SLC23A2: variants seen among roughly 807,000 people sequenced by gnomAD.
The protein encoded by SLC23A2 is Na(+)/L-ascorbic acid transporter 2.
A neutral mutation model predicts 73.3 loss-of-function variants in SLC23A2; 36 were observed. The observed-to-expected ratio is 0.49, with a 90% CI of 0.38 to 0.65. The LOEUF is 0.65. SLC23A2 is among the 30% of genes least tolerant of loss of function. The probability of loss-of-function intolerance (pLI) is 0.00; values close to 1 mark genes in which losing one functional copy is unlikely to be tolerated. For missense variants in SLC23A2, 507 were observed against 841.6 expected, an observed-to-expected ratio of 0.60 and a Z score of 4.92; for synonymous variants, 343 against 327.3, an observed-to-expected ratio of 1.05 and a Z score of -0.52.
At chr20:4,943,003 C>T (rs373607458) in intron 2 of SLC23A2, among the ~76,000 whole-genome samples, 1 of 151,766 alleles carries the variant, frequency 6.6e-6, no homozygotes, top group Non-Finnish European at 1.5e-5. Flanking sequence ...TGCTTGAGGC[C>T]AAGAGTTCGA....
At position 4,883,236 on chromosome 20, in the gene SLC23A2, C is replaced by T. The variant is rs187115312; in HGVS notation, c.824+406G>A. Among the ~76,000 whole-genome samples the T allele has an allele frequency of 7.2e-5, 11 of 152,234 alleles. No individual in the cohort carries two copies. The highest frequency in any genetic ancestry group is 4.6e-4 in the Admixed American group (7 of 15,300). On this transcript the variant is annotated intron_variant, in intron 9 of 16. Transcript: ENST00000338244. The surrounding 1 kb of genome is among the most constrained non-coding windows in gnomAD (Gnocchi z 4.5). The stretch of plus-strand genomic sequence containing the variant: ...CATCAATGGCAACAGACCTTTCCCA[C>T]GACTTCTCTGGAAATACTCCAGATT...
chr20:4,926,870 T>C (rs1042316776), intron 3 of SLC23A2, among the ~76,000 whole-genome samples: 2 of 152,030 alleles, frequency 1.3e-5, no homozygotes, highest in African/African-American at 4.8e-5. Flanking sequence ...AGAGAATCTC[T>C]AAAGATAAGA....
chr20:4,867,863 C>G lies in SLC23A2; in HGVS notation c.1263G>C (p.Val421=). The change falls in exon 13 of 17, where the codon GTG becomes GTC. Residue 421 remains valine, a synonymous_variant. Transcript: ENST00000338244. ...CATCAAGAACACAGGAGAGGCCTTCCACGAAAATTCCCCTAAGATGTAAAG... is the reference window on the plus strand; with the variant it reads ...CATCAAGAACACAGGAGAGGCCTTCGACGAAAATTCCCCTAAGATGTAAAG... ...PIHAINRGIF[V]EGLSCVLDGI... 1 of 1,598,316 alleles carries G rather than the reference C, an allele frequency of 6.3e-7. No homozygotes were observed. Among genetic ancestry groups the G allele is most frequent in the South Asian group, 1.1e-5 (1 of 90,706 alleles).
intron 6 of SLC23A2, among the ~76,000 whole-genome samples, chr20:4,892,811 G>A (rs1931378654): frequency 6.6e-6 from 1 of 152,040 alleles, no homozygotes; most frequent in African/African-American, 2.4e-5. Flanking sequence ...TGATGACGTG[G>A]GGAGGAAAAA....
At chr20:5,009,847 G>C (rs6139610) in intron 1 of SLC23A2, among the ~76,000 whole-genome samples, 1 of 152,094 alleles carries the variant, frequency 6.6e-6, no homozygotes, top group Non-Finnish European at 1.5e-5. Context: ...TGTAATCCCA[G>C]CACTTTGGGA....
chr20:4,919,136 T>C (rs1658957221), intron 3 of SLC23A2, among the ~76,000 whole-genome samples: 1 of 152,210 alleles, frequency 6.6e-6, no homozygotes, highest in Non-Finnish European at 1.5e-5. Flanking sequence ...CAGTACAACA[T>C]ATTCTAAACA....
rs574379772 is a variant in SLC23A2, at chr20:4,868,072, ATTTTTT to A, written c.1251-203_1251-198del. 1.1e-5 allele frequency among the ~76,000 whole-genome samples: 1 copy of A among 94,418 alleles called. No homozygotes were observed. The highest frequency in any genetic ancestry group is 4.9e-5 in the African/African-American group (1 of 20,562). The allele number at this position is 94,418 out of a possible 152,430, so 61.9% of individuals were successfully genotyped here. A position where few individuals can be genotyped will look rare whatever the true frequency, so the allele number is the denominator to read the frequency against. On this transcript the variant is annotated intron_variant, in intron 12 of 16. Coordinates refer to ENST00000338244, the MANE Select transcript of SLC23A2 (RefSeq NM_005116.6). The surrounding 1 kb of genome is among the most constrained non-coding windows in gnomAD (Gnocchi z 4.4). ...CCTGCTGAAGCAGAAAAGAATCTGC[ATTTTTT>A]TTTTTTTTTTTTTTTTTTTTAGAGA...
At chr20:4,875,587 A>C (rs1431023426) in intron 9 of SLC23A2, among the ~76,000 whole-genome samples, 3 of 152,164 alleles carry the variant, frequency 2.0e-5, no homozygotes, top group Non-Finnish European at 4.4e-5. Context: ...ACTGAACTGC[A>C]CTAAGTGCTA....
chr20:4,956,800 CTTTTTTTTT>C (rs759658782), intron 2 of SLC23A2, among the ~76,000 whole-genome samples: 1 of 111,936 alleles, frequency 8.9e-6, no homozygotes, highest in Non-Finnish European at 1.8e-5. Context: ...CTTCCCTCTT[CTTTTTTTTT>C]TTTTTTTTTT....
Position 4,872,492 on chromosome 20 carries a change from G to A in SLC23A2, c.1102+1444C>T, listed in dbSNP as rs1228909467. ...CCTGTACAGCTGCCTCTCCTGGACA[G>A]CCCAGCTTGTGCCCCTACTGGCGCC... On this transcript the variant is annotated intron_variant, in intron 11 of 16. Coordinates refer to ENST00000338244, the MANE Select transcript of SLC23A2 (RefSeq NM_005116.6). The surrounding 1 kb of genome is among the most constrained non-coding windows in gnomAD (Gnocchi z 4.4). Among the ~76,000 whole-genome samples, 1 of 152,112 alleles carries A rather than the reference G, an allele frequency of 6.6e-6. No homozygotes were observed. Among genetic ancestry groups the A allele is most frequent in the Non-Finnish European group, 1.5e-5 (1 of 68,020 alleles).
At chr20:5,000,871 C>T (rs577407457) in intron 1 of SLC23A2, among the ~76,000 whole-genome samples, 2 of 152,210 alleles carry the variant, frequency 1.3e-5, no homozygotes, top group African/African-American at 4.8e-5. Flanking sequence ...AAAATTACTT[C>T]GCGCAGTCTT....
chr20:4,941,434 C>T (rs78887828), intron 2 of SLC23A2, among the ~76,000 whole-genome samples: 1 of 151,908 alleles, frequency 6.6e-6, no homozygotes, highest in African/African-American at 2.4e-5. Flanking sequence ...AAAAAGTTGT[C>T]GGCTGGGCCT....
At chr20:4,980,259 G>A (rs2087705256) in intron 1 of SLC23A2, among the ~76,000 whole-genome samples, 1 of 152,056 alleles carries the variant, frequency 6.6e-6, no homozygotes, top group Non-Finnish European at 1.5e-5. Flanking sequence ...AAATAATCAG[G>A]AAAATGCACT....
intron 1 of SLC23A2, among the ~76,000 whole-genome samples, chr20:4,986,007 T>TC (rs1388264911): frequency 6.6e-6 from 1 of 152,160 alleles, no homozygotes; most frequent in Non-Finnish European, 1.5e-5. Context: ...GGAATCCCTC[T>TC]CCCGCCATGC....
intron 6 of SLC23A2, among the ~76,000 whole-genome samples, chr20:4,889,451 C>T (rs867883780): frequency 1.3e-4 from 19 of 151,912 alleles, no homozygotes; most frequent in African/African-American, 4.6e-4. Context: ...GAAAGGACCA[C>T]CGTAGGAGAA....
chr20:4,879,407 T>TAAAAA (rs1930789225), intron 9 of SLC23A2, among the ~76,000 whole-genome samples: 1 of 22,904 alleles, frequency 4.4e-5, no homozygotes, highest in African/African-American at 4.1e-4. Context: ...AAACTCTGTC[T>TAAAAA]CAAAAAAAAA....
At chr20:4,886,093 T>C (rs1722215880) in intron 6 of SLC23A2, 184 bp from the exon 7 acceptor site, 1 of 522,654 alleles carries the variant, frequency 1.9e-6, no homozygotes, top group African/African-American at 2.0e-5. Flanking sequence ...CAGTGGCTTC[T>C]TCATCCTCCC....
chr20:4,873,847 G>T, intron 11 of SLC23A2, 89 bp downstream of exon 11: 8 of 1,325,254 alleles, frequency 6.0e-6, no homozygotes, highest in Non-Finnish European at 8.4e-6. Flanking sequence ...GAGACAGTCT[G>T]GGACAAAGAC....
chr20:4,902,417 A>G lies in SLC23A2; in HGVS notation c.324+25T>C. On this transcript the variant is annotated intron_variant, in intron 5 of 16. Coordinates refer to ENST00000338244, the MANE Select transcript of SLC23A2 (RefSeq NM_005116.6). The surrounding 1 kb of genome is among the most constrained non-coding windows in gnomAD (Gnocchi z 4.0). ...ACAATGCAAACACCTGCTGGTAGTT[A>G]CACATCCTACAGGAACCATCTTACC... is the stretch of plus-strand genomic sequence containing the variant. The G allele has an allele frequency of 8.0e-7, 1 of 1,248,464 alleles. No homozygotes were observed. The highest frequency in any genetic ancestry group is 1.2e-6 in the Non-Finnish European group (1 of 865,384). 77.3% of individuals were successfully genotyped at this position (1,248,464 alleles called of 1,614,324 possible).
Sources: gnomAD v4.1 joint callset for allele counts (sites outside exome capture counted in the v4.1 genomes callset) on GRCh38, gnomAD v4.1.1 for gene constraint, Gnocchi (gnomAD v3.1) non-coding constraint, MANE v1.5 for transcripts, NCBI Gene and HGNC (gene_info 2026-07-23, HGNC 2026-07-21) for gene names.